ZNF385D: variants seen among roughly 807,000 people sequenced by gnomAD.
ZNF385D encodes zinc finger protein 385D, also known as zinc finger protein 659.
ZNF385D carries 15 observed loss-of-function variants against 35.8 expected under a neutral mutation model. The observed-to-expected ratio is 0.42, with a 90% CI of 0.28 to 0.64. The LOEUF (loss-of-function observed/expected upper bound fraction) is 0.64. ZNF385D is among the 30% of genes least tolerant of loss of function. The pLI, the probability that ZNF385D is intolerant of heterozygous loss-of-function variation, is 0.23. For synonymous variants in ZNF385D, 212 were observed against 186.8 expected, an observed-to-expected ratio of 1.13 and a Z score of -1.10; for missense variants, 474 against 494.6, an observed-to-expected ratio of 0.96 and a Z score of 0.39.
intron 3 of ZNF385D, among the ~76,000 whole-genome samples, chr3:21,903,081 C>T (rs767933902): frequency 6.6e-6 from 1 of 152,072 alleles, no homozygotes; most frequent in East Asian, 1.9e-4. Flanking sequence ...AGCTTTGCAA[C>T]CCCATACCTA....
chr3:21,491,973 A>C (rs1705460193), intron 4 of ZNF385D, among the ~76,000 whole-genome samples: 2 of 152,122 alleles, frequency 1.3e-5, no homozygotes, highest in Admixed American at 1.3e-4. Flanking sequence ...ATTTAGATAA[A>C]GCTTTCATTA....
chr3:22,153,425 C>T (rs911095882), intron 3 of ZNF385D, among the ~76,000 whole-genome samples: 4 of 151,648 alleles, frequency 2.6e-5, no homozygotes, highest in African/African-American at 4.8e-5. Flanking sequence ...ACAATGACCC[C>T]GTGCCTGTTT....
intron 2 of ZNF385D, among the ~76,000 whole-genome samples, chr3:22,299,743 GA>G (rs1157713950): frequency 1.3e-5 from 2 of 151,592 alleles, no homozygotes; most frequent in Non-Finnish European, 3.0e-5. Flanking sequence ...AAATTCTTAG[GA>G]ATAAATTTAA....
intron 3 of ZNF385D, among the ~76,000 whole-genome samples, chr3:22,163,149 G>C (rs1386137537): frequency 2.0e-5 from 3 of 152,144 alleles, no homozygotes; most frequent in South Asian, 2.1e-4. Flanking sequence ...AACGAGCTCA[G>C]AGGAGGTAGT....
At position 21,939,957 on chromosome 3, in the gene ZNF385D, A is replaced by G. The variant is rs563574526; in HGVS notation, c.325+228860T>C. 1.6e-3 allele frequency among the ~76,000 whole-genome samples: 248 copies of G among 152,328 alleles called. 1 individual carries two copies. Among genetic ancestry groups the G allele is most frequent in the African/African-American group, 4.1e-3 (171 of 41,586 alleles). On this transcript the variant is annotated intron_variant, in intron 3 of 5. Transcript: ENST00000494108. ...GAATGGAAGAGTATTAAGTTGTCCC[A>G]GGGAAAGAAGAATGAAAGCATTTTT...
chr3:21,625,413 C>G (rs1286489032), intron 2 of ZNF385D, among the ~76,000 whole-genome samples: 1 of 152,028 alleles, frequency 6.6e-6, no homozygotes, highest in Non-Finnish European at 1.5e-5. Flanking sequence ...TTTTGGCCTT[C>G]TGTGACAAAA....
Position 21,935,481 on chromosome 3 carries a change from C to G in ZNF385D, c.325+233336G>C, listed in dbSNP as rs568636822. On this transcript the variant is annotated intron_variant, in intron 3 of 5. Transcript: ENST00000494108. The stretch of plus-strand genomic sequence containing the variant: ...ACACAAACTGGCAAGTGGGTTTGAA[C>G]CTAGATAGTTAAGTCACATGCTACA... Among the ~76,000 whole-genome samples, 22 of 152,158 alleles carry G rather than the reference C, an allele frequency of 1.4e-4. No individual in the cohort carries two copies. In the South Asian group the frequency reaches 4.3e-3, roughly 30 times the overall value.
intron 2 of ZNF385D, among the ~76,000 whole-genome samples, chr3:22,336,036 C>T (rs1015599408): frequency 2.6e-5 from 4 of 151,648 alleles, no homozygotes; most frequent in African/African-American, 9.7e-5. Context: ...CAAAAACTAG[C>T]GCTGATGATA....
chr3:21,914,978 A>G (rs1700127173), intron 3 of ZNF385D, among the ~76,000 whole-genome samples: 1 of 152,014 alleles, frequency 6.6e-6, no homozygotes, highest in African/African-American at 2.4e-5. Flanking sequence ...AAGCACGAGG[A>G]AAAGTTTGTG....
At chr3:21,566,963 G>T (rs905278632) in intron 2 of ZNF385D, among the ~76,000 whole-genome samples, 1 of 152,094 alleles carries the variant, frequency 6.6e-6, no homozygotes, top group Non-Finnish European at 1.5e-5. Context: ...GGTGATTTGT[G>T]TCTGGAATCT....
chr3:21,879,658 A>T (rs1698173303), intron 3 of ZNF385D, among the ~76,000 whole-genome samples: 1 of 152,048 alleles, frequency 6.6e-6, no homozygotes, highest in Non-Finnish European at 1.5e-5. Context: ...AAATAGTCAC[A>T]GAGGTCAGGA....
chr3:22,211,192 AAAT>A (rs1175593890), intron 2 of ZNF385D, among the ~76,000 whole-genome samples: 1 of 152,006 alleles, frequency 6.6e-6, no homozygotes, highest in African/African-American at 2.4e-5. Flanking sequence ...TAATAAGCAT[AAAT>A]AATATTTATA....
At chr3:21,425,443 A>G in intron 6 of ZNF385D, 49 bp downstream of exon 6, 1 of 1,516,430 alleles carries the variant, frequency 6.6e-7, no homozygotes. Flanking sequence ...CATCCTGCTT[A>G]TAAGGCTGTC....
intron 2 of ZNF385D, among the ~76,000 whole-genome samples, chr3:22,267,793 T>C (rs1700970986): frequency 6.6e-6 from 1 of 151,952 alleles, no homozygotes. Flanking sequence ...CAAATCAAGC[T>C]CTCAGTAATT....
At chr3:21,839,741 T>C (rs1050146281) in intron 3 of ZNF385D, among the ~76,000 whole-genome samples, 2 of 152,006 alleles carry the variant, frequency 1.3e-5, no homozygotes, top group Admixed American at 6.6e-5. Flanking sequence ...CCAGATGCTG[T>C]AGCAGTGGAA....
intron 2 of ZNF385D, among the ~76,000 whole-genome samples, chr3:21,608,023 G>GTTTTTTTTGGTTTTTTTTT (rs2064543255): frequency 8.3e-6 from 1 of 120,220 alleles, no homozygotes; most frequent in Admixed American, 9.2e-5. Context: ...TTTTTTTTTT[G>GTTTTTTTTGGTTTTTTTTT]TTTTTTTTTT....
At chr3:21,999,951 A>G (rs554699256) in intron 3 of ZNF385D, among the ~76,000 whole-genome samples, 1 of 152,144 alleles carries the variant, frequency 6.6e-6, no homozygotes, top group East Asian at 1.9e-4. Flanking sequence ...TCAAGTTTGG[A>G]AGAGATACAC....
intron 4 of ZNF385D, among the ~76,000 whole-genome samples, chr3:21,464,673 C>T (rs1703393362): frequency 2.0e-5 from 3 of 151,050 alleles, no homozygotes; most frequent in Non-Finnish European, 4.4e-5. Context: ...AAGACACAGT[C>T]TCCAAAATCG....
chr3:21,965,037 A>G (rs2125327418), intron 3 of ZNF385D, among the ~76,000 whole-genome samples: 1 of 152,312 alleles, frequency 6.6e-6, no homozygotes, highest in South Asian at 2.1e-4. Flanking sequence ...AATTAATATT[A>G]AAGTTGACAC....
Sources: gnomAD v4.1 joint callset for allele counts (sites outside exome capture counted in the v4.1 genomes callset) on GRCh38, gnomAD v4.1.1 for gene constraint, MANE v1.5 for transcripts, NCBI Gene and HGNC (gene_info 2026-07-23, HGNC 2026-07-21) for gene names.